The following CHSY3 variants were observed in gnomAD, a reference collection of about 807,000 sequenced individuals.
CHSY3 encodes the protein chondroitin sulfate synthase 3.
Under a neutral mutation model 67.2 loss-of-function variants are expected in CHSY3, and 35 were observed. The observed-to-expected ratio is 0.52, with a 90% CI of 0.40 to 0.69. CHSY3 has a LOEUF of 0.69. Ranked by LOEUF, CHSY3 falls within the 30% of genes least tolerant of loss-of-function variation. The pLI, the probability that CHSY3 is intolerant of heterozygous loss-of-function variation, is 0.00. For synonymous variants in CHSY3, 474 were observed against 434.7 expected, an observed-to-expected ratio of 1.09 and a Z score of -1.12; for missense variants, 1,069 against 1,138.5, an observed-to-expected ratio of 0.94 and a Z score of 0.88.
intron 2 of CHSY3, among the ~76,000 whole-genome samples, chr5:130,079,772 G>A (rs1032087553): frequency 1.3e-5 from 2 of 151,934 alleles, no homozygotes; most frequent in African/African-American, 2.4e-5. Flanking sequence ...GAAGTATTTG[G>A]CACAAGTTTT....
chr5:129,917,401 A>G (rs1227868065), intron 2 of CHSY3, among the ~76,000 whole-genome samples: 1 of 152,252 alleles, frequency 6.6e-6, no homozygotes, highest in East Asian at 1.9e-4. Flanking sequence ...CTTACTCACT[A>G]GAGCTGTTAT....
At chr5:130,091,151 C>CAA (rs1205080859) in intron 2 of CHSY3, among the ~76,000 whole-genome samples, 2 of 151,586 alleles carry the variant, frequency 1.3e-5, no homozygotes, top group Admixed American at 1.3e-4. Context: ...CGCGCGCACA[C>CAA]ACACACACAC....
chr5:130,054,301 C>T (rs1396452989), intron 2 of CHSY3, among the ~76,000 whole-genome samples: 4 of 152,078 alleles, frequency 2.6e-5, no homozygotes, highest in African/African-American at 9.7e-5. Flanking sequence ...TCCTATTTCC[C>T]TGATGATATT....
intron 2 of CHSY3, among the ~76,000 whole-genome samples, chr5:129,999,124 C>CTTTTTTTTTTTTTTTTTTTTTTTTT (rs376975711): frequency 1.4e-5 from 2 of 141,724 alleles, no homozygotes; most frequent in Non-Finnish European, 1.5e-5. Context: ...TCCCCCCTCC[C>CTTTTTTTTTTTTTTTTTTTTTTTTT]TTTTTTTTTT....
At chr5:130,086,653 C>A (rs1766640827) in intron 2 of CHSY3, among the ~76,000 whole-genome samples, 1 of 152,092 alleles carries the variant, frequency 6.6e-6, no homozygotes. Context: ...TACACCCTCC[C>A]AAGACTCAAC....
chr5:129,987,346 AG>A (rs1343264777), intron 2 of CHSY3, among the ~76,000 whole-genome samples: 2 of 152,188 alleles, frequency 1.3e-5, no homozygotes, highest in African/African-American at 4.8e-5. Flanking sequence ...TTTAATTTAC[AG>A]TACTAGAGAA....
Position 129,930,503 on chromosome 5 carries a change from A to T in CHSY3, c.1086+22143A>T, listed in dbSNP as rs201739590. 9.2e-4 allele frequency among the ~76,000 whole-genome samples: 83 copies of T among 90,590 alleles called. 1 individual carries two copies. The East Asian group carries it at 0.03, about 33-fold the overall frequency. The allele number at this position is 90,590 out of a possible 152,430, so 59.4% of individuals were successfully genotyped here. ...CCATAGATGTTTAAAAGGAGGCATCACTGGCGGGGGGGGGGTATGAAGTTT... is the reference window on the plus strand; with the variant it reads ...CCATAGATGTTTAAAAGGAGGCATCTCTGGCGGGGGGGGGGTATGAAGTTT... On this transcript the variant is annotated intron_variant, in intron 2 of 2. Transcript: ENST00000305031.
At chr5:130,056,024 T>C (rs866408486) in intron 2 of CHSY3, among the ~76,000 whole-genome samples, 53 of 152,304 alleles carry the variant, frequency 3.5e-4, no homozygotes, top group African/African-American at 1.2e-3. Flanking sequence ...CTGATGCATA[T>C]TAAGATTCTC....
chr5:130,014,688 C>T (rs1162278974), intron 2 of CHSY3, among the ~76,000 whole-genome samples: 3 of 151,944 alleles, frequency 2.0e-5, no homozygotes, highest in Admixed American at 1.3e-4. Flanking sequence ...ACCATATCAA[C>T]CATATATAAA....
intron 2 of CHSY3, among the ~76,000 whole-genome samples, chr5:130,016,442 G>T (rs886445837): frequency 1.3e-5 from 2 of 152,106 alleles, no homozygotes; most frequent in South Asian, 4.1e-4. Flanking sequence ...ACGAAGTCTC[G>T]CTCTTGTCCC....
chr5:130,139,901 T>C (rs1024360891), intron 2 of CHSY3: 2 of 152,260 alleles, frequency 1.3e-5, no homozygotes, highest in Admixed American at 1.3e-4. Context: ...TAAGTTTGGC[T>C]ATCAAGTCAA....
chr5:130,167,045 C>T (rs1478379052), intron 2 of CHSY3, among the ~76,000 whole-genome samples: 1 of 152,050 alleles, frequency 6.6e-6, no homozygotes, highest in Admixed American at 6.6e-5. Flanking sequence ...AGATTGAACT[C>T]AATTCCCACT....
chr5:129,932,103 CATATATATATATATATATATAT>C (rs33960181), intron 2 of CHSY3, among the ~76,000 whole-genome samples: 21 of 115,024 alleles, frequency 1.8e-4, no homozygotes, highest in African/African-American at 6.5e-4. Flanking sequence ...ACCATAAAAC[CATATATATATATATATATATAT>C]ATATATATAT....
intron 2 of CHSY3, among the ~76,000 whole-genome samples, chr5:130,064,798 G>T (rs547566655): frequency 6.6e-6 from 1 of 152,264 alleles, no homozygotes; most frequent in South Asian, 2.1e-4. Context: ...AGAAAGTCTG[G>T]ATAGGTTACC....
At chr5:130,042,270 A>G (rs1380088093) in intron 2 of CHSY3, among the ~76,000 whole-genome samples, 1 of 152,114 alleles carries the variant, frequency 6.6e-6, no homozygotes, top group Non-Finnish European at 1.5e-5. Flanking sequence ...GTTACAGGAT[A>G]TCATTGCTAC....
In CHSY3 at chr5:130,185,354, G is replaced by C; in HGVS notation, c.2212G>C (p.Gly738Arg). 1 of 1,607,032 alleles carries C rather than the reference G, an allele frequency of 6.2e-7. No homozygotes were observed. The highest frequency in any genetic ancestry group is 8.5e-7 in the Non-Finnish European group (1 of 1,173,602). The change falls in exon 3 of 3, where the codon GGA becomes CGA. Residue 738 changes from glycine (G) to arginine (R), a missense_variant. By Grantham distance (125) the Gly-to-Arg change is moderately radical. This residue lies in a region of CHSY3 where 401 missense variants were observed against 395.2 expected (regional missense o/e 1.01). Coordinates refer to ENST00000305031, the MANE Select transcript of CHSY3 (RefSeq NM_175856.5). ...LQRCRDNTIQ[G>R]QQVYYPIIFS... ...ACGATGTAGAGACAATACAATTCAG[G>C]GACAACAGGTGTACTATCCCATCAT...
chr5:130,130,815 A>G (rs1278702181), intron 2 of CHSY3, among the ~76,000 whole-genome samples: 2 of 152,154 alleles, frequency 1.3e-5, no homozygotes, highest in Non-Finnish European at 2.9e-5. Flanking sequence ...ACTTCTGTGA[A>G]CCACTTGTAG....
At chr5:130,063,134 G>A (rs999244674) in intron 2 of CHSY3, among the ~76,000 whole-genome samples, 2 of 151,962 alleles carry the variant, frequency 1.3e-5, no homozygotes, top group Non-Finnish European at 2.9e-5. Flanking sequence ...TAAAACTGAA[G>A]ATAAACTTTA....
At chr5:130,099,429 A>G (rs1015983187) in intron 2 of CHSY3, among the ~76,000 whole-genome samples, 3 of 152,236 alleles carry the variant, frequency 2.0e-5, no homozygotes, top group African/African-American at 7.2e-5. Context: ...ACAGATGCCA[A>G]GGATGTAGTG....
Sources: gnomAD v4.1 joint callset for allele counts (sites outside exome capture counted in the v4.1 genomes callset) on GRCh38, gnomAD v4.1.1 for gene constraint, gnomAD v4.1.1 regional missense constraint, MANE v1.5 for transcripts, NCBI Gene and HGNC (gene_info 2026-07-23, HGNC 2026-07-21) for gene names.